CEP112: variants seen among roughly 807,000 people sequenced by gnomAD.
CEP112 encodes the protein centrosomal protein of 112 kDa.
CEP112 carries 127 observed loss-of-function variants against 153.0 expected under a neutral mutation model. The ratio of observed to expected loss-of-function variants is 0.83; its 90% CI spans 0.72 to 0.96. The LOEUF (loss-of-function observed/expected upper bound fraction) is 0.96, where lower values mean the gene tolerates loss of function less well. Among genes scored for constraint, CEP112 ranks in the 40% least tolerant of loss-of-function variants. The probability of loss-of-function intolerance (pLI) is 0.00; values close to 1 mark genes in which losing one functional copy is unlikely to be tolerated. For missense variants in CEP112, 1,089 were observed against 1,101.2 expected (o/e 0.99, Z 0.16); for synonymous variants, 358 against 374.4 (o/e 0.96, Z 0.51).
At chr17:66,147,625 G>A (rs755344553) in intron 4 of CEP112, among the ~76,000 whole-genome samples, 14 of 151,918 alleles carry the variant, frequency 9.2e-5, no homozygotes, top group Non-Finnish European at 1.6e-4. Context: ...TATGTCTTCC[G>A]TATGTTTCCC....
chr17:66,010,101 T>C (rs1293921497), intron 16 of CEP112, among the ~76,000 whole-genome samples: 5 of 152,166 alleles, frequency 3.3e-5, no homozygotes, highest in Non-Finnish European at 5.9e-5. Flanking sequence ...GAGGATGAAG[T>C]GTTTTTTGAT....
At chr17:65,697,537 A>T (rs1253130992) in intron 23 of CEP112, among the ~76,000 whole-genome samples, 4 of 149,888 alleles carry the variant, frequency 2.7e-5, no homozygotes, top group East Asian at 1.9e-4. Context: ...TTACAGACTT[A>T]TTTTTTTTTT....
chr17:65,663,030 T>C (rs1403349922), intron 24 of CEP112, among the ~76,000 whole-genome samples: 2 of 152,214 alleles, frequency 1.3e-5, no homozygotes, highest in South Asian at 4.1e-4. Context: ...TTAAAACTGA[T>C]GTTGGCAGCA....
chr17:66,069,595 T>C (rs2067238944), intron 9 of CEP112, among the ~76,000 whole-genome samples: 1 of 152,124 alleles, frequency 6.6e-6, no homozygotes, highest in African/African-American at 2.4e-5. Context: ...ATGTCTTATT[T>C]CAACTTTCAT....
intron 8 of CEP112, among the ~76,000 whole-genome samples, chr17:66,071,054 A>G (rs542030437): frequency 6.6e-6 from 1 of 152,328 alleles, no homozygotes; most frequent in South Asian, 2.1e-4. Context: ...AAAACATTTT[A>G]ATATTATTAA....
At chr17:65,949,988 C>A (rs2061768098) in intron 18 of CEP112, among the ~76,000 whole-genome samples, 1 of 152,118 alleles carries the variant, frequency 6.6e-6, no homozygotes, top group Non-Finnish European at 1.5e-5. Context: ...AATAACATCA[C>A]AATACACATC....
At chr17:66,189,275 C>T (rs754802283) in intron 1 of CEP112, among the ~76,000 whole-genome samples, 12 of 152,004 alleles carry the variant, frequency 7.9e-5, no homozygotes, top group Non-Finnish European at 1.6e-4. Flanking sequence ...CTGAGGCAGG[C>T]GGATAACTTG....
At chr17:65,868,420 A>G (rs2058551549) in intron 20 of CEP112, among the ~76,000 whole-genome samples, 3 of 152,028 alleles carry the variant, frequency 2.0e-5, no homozygotes, top group African/African-American at 7.3e-5. Context: ...GAAACGCTTG[A>G]GCCCAGGAGA....
chr17:65,683,348 C>T (rs1395140923), intron 24 of CEP112, among the ~76,000 whole-genome samples: 2 of 152,204 alleles, frequency 1.3e-5, no homozygotes, highest in African/African-American at 4.8e-5. Flanking sequence ...GTCACTTGTG[C>T]CTGCACAGTC....
chr17:65,730,182 G>A (rs1001526582), intron 23 of CEP112, among the ~76,000 whole-genome samples: 2 of 152,154 alleles, frequency 1.3e-5, no homozygotes, highest in African/African-American at 2.4e-5. Context: ...ACTGAACAAA[G>A]AATCTTATTT....
chr17:65,828,193 T>G (rs2056922081), intron 21 of CEP112, among the ~76,000 whole-genome samples: 1 of 152,238 alleles, frequency 6.6e-6, no homozygotes, highest in African/African-American at 2.4e-5. Flanking sequence ...GCCATTAGTC[T>G]GTTAACTGTT....
chr17:65,795,118 G>A (rs1364515325), intron 21 of CEP112, among the ~76,000 whole-genome samples: 1 of 152,086 alleles, frequency 6.6e-6, no homozygotes, highest in Non-Finnish European at 1.5e-5. Flanking sequence ...TTTTATAGAT[G>A]GCAACACTGT....
At chr17:66,076,357 C>A (rs113659902) in intron 8 of CEP112, among the ~76,000 whole-genome samples, 11 of 152,198 alleles carry the variant, frequency 7.2e-5, no homozygotes, top group African/African-American at 2.4e-4. Context: ...AGACTCGGGG[C>A]TGCTAGGGGG....
In CEP112 at chr17:66,070,583, G is replaced by T. The variant is rs1465914222; in HGVS notation, c.769-582C>A. ...AGGGAGTGACTTTATCTCCTTCCAA[G>T]CATTCCTTAACTTCTATCCTCTCCA... On this transcript the variant is annotated intron_variant, in intron 8 of 26. Transcript: ENST00000535342. 2.0e-5 allele frequency among the ~76,000 whole-genome samples: 3 copies of T among 152,180 alleles called. No homozygotes were observed. In the East Asian group the frequency reaches 5.8e-4, roughly 29 times the overall value.
At chr17:66,086,219 C>G (rs539654623) in intron 8 of CEP112, among the ~76,000 whole-genome samples, 1 of 151,966 alleles carries the variant, frequency 6.6e-6, no homozygotes, top group East Asian at 1.9e-4. Flanking sequence ...TATTACCCAG[C>G]AACAATAAAG....
At chr17:65,664,368 G>C (rs1598248299) in intron 24 of CEP112, among the ~76,000 whole-genome samples, 1 of 152,208 alleles carries the variant, frequency 6.6e-6, no homozygotes, top group Non-Finnish European at 1.5e-5. Context: ...ATATTGGATA[G>C]TCCATTAATT....
intron 18 of CEP112, among the ~76,000 whole-genome samples, chr17:65,944,905 T>C (rs1250774380): frequency 6.6e-6 from 1 of 152,214 alleles, no homozygotes; most frequent in Admixed American, 6.5e-5. Context: ...ATTAAAATAA[T>C]AAATTCCTTT....
chr17:66,005,039 T>C (rs1568367147), intron 17 of CEP112, among the ~76,000 whole-genome samples: 3 of 152,200 alleles, frequency 2.0e-5, no homozygotes, highest in South Asian at 2.1e-4. Context: ...GTACTGAACA[T>C]TGGCTGACAC....
chr17:65,747,062 TA>T (rs561125360), intron 22 of CEP112, among the ~76,000 whole-genome samples: 5 of 146,550 alleles, frequency 3.4e-5, no homozygotes, highest in Admixed American at 2.0e-4. Flanking sequence ...TTAGTGGTCT[TA>T]AAAAAAAAAC....
Sources: gnomAD v4.1 joint callset for allele counts (sites outside exome capture counted in the v4.1 genomes callset) on GRCh38, gnomAD v4.1.1 for gene constraint, MANE v1.5 for transcripts, NCBI Gene and HGNC (gene_info 2026-07-23, HGNC 2026-07-21) for gene names.